The following HCAR1 variants were observed in gnomAD, a reference collection of about 807,000 sequenced individuals.
The protein encoded by HCAR1 is G protein-coupled receptor 104.
For synonymous variants in HCAR1, 183 were observed against 182.1 expected (o/e 1.01, Z -0.04); for missense variants, 445 against 448.7 (o/e 0.99, Z 0.07).
In HCAR1 at chr12:122,727,125, A is replaced by T. The variant is rs1329535969; in HGVS notation, c.*2174T>A. Reference sequence around the variant, plus strand: ...GACCTCGTCTCTATAAAAAAAATTTAAAAATTAGCTGAGTGTGGTGGCTTA... The same window carrying T: ...GACCTCGTCTCTATAAAAAAAATTTTAAAATTAGCTGAGTGTGGTGGCTTA... On this transcript the variant is annotated 3_prime_UTR_variant, in exon 1 of 1. Transcript: ENST00000432564. 1 of 151,942 alleles carries T rather than the reference A, an allele frequency of 6.6e-6. No individual in the cohort carries two copies. The highest frequency in any genetic ancestry group is 1.5e-5 in the Non-Finnish European group (1 of 68,018). The allele number at this position is 151,942 out of a possible 1,614,324, so 9.4% of individuals were successfully genotyped here.
chr12:122,730,153 G>C lies in HCAR1; in HGVS notation c.187C>G (p.Leu63Val), dbSNP rs138446551. ...CGAAAAGGCAGGCAGATCATAAGGA[G>C]GAAATCAGCCACGGCCAAATTGAAA... Reference protein sequence around the residue: ...YLFNLAVADFLLMICLPFRTD... With the variant: ...YLFNLAVADFVLMICLPFRTD... Residue 63 changes from leucine to valine, a missense_variant, in exon 1 of 1, where the codon CTC becomes GTC. Physicochemically the swap from Leu to Val is conservative, Grantham distance 32 (BLOSUM62 1). Transcript: ENST00000432564. The C allele has an allele frequency of 6.2e-7, 1 of 1,614,138 alleles. No homozygotes were observed. The highest frequency in any genetic ancestry group is 1.1e-5 in the South Asian group (1 of 91,078).
Position 122,729,882 on chromosome 12 carries a change from T to C in HCAR1, c.458A>G (p.Glu153Gly). The C allele has an allele frequency of 1.2e-6, 2 of 1,611,436 alleles. No individual in the cohort carries two copies. The highest frequency in any genetic ancestry group is 2.2e-5 in the South Asian group (2 of 91,060). Residue 153 changes from glutamate to glycine, a missense_variant, in exon 1 of 1, where the codon GAG becomes GGG. Coordinates refer to ENST00000432564, the MANE Select transcript of HCAR1 (RefSeq NM_032554.4). ...VILGTVYLLL[E>G]NHLCVQETAV... ...CGTCTCTTGCACGCAGAGATGGTTCTCCAGCAAAAGATACACTGTTCCCAG... is the reference window on the plus strand; with the variant it reads ...CGTCTCTTGCACGCAGAGATGGTTCCCCAGCAAAAGATACACTGTTCCCAG...
rs201961889 is a variant in HCAR1, at chr12:122,729,699, C to T, written c.641G>A (p.Arg214Gln). Reference sequence around the variant, plus strand: ...GATGAACCGGGTCGCCTTCTTCATCCGAGCCTGTCTGGCCAGCTGCTGCCT... The same window carrying T: ...GATGAACCGGGTCGCCTTCTTCATCTGAGCCTGTCTGGCCAGCTGCTGCCT... ...RRRQQLARQA[R>Q]MKKATRFIMV... Residue 214 changes from arginine to glutamine, a missense_variant, in exon 1 of 1, where the codon CGG (arginine) becomes CAG (glutamine). Coordinates refer to ENST00000432564, the MANE Select transcript of HCAR1 (RefSeq NM_032554.4). 7.4e-6 allele frequency: 12 copies of T among 1,613,732 alleles called. No homozygotes were observed. The African/African-American group carries it at 8.0e-5, about 11-fold the overall frequency.
rs201833027 is a variant in HCAR1 at position 122,730,283 on chromosome 12, C to T, written c.57G>A (p.Pro19=). 3 of 1,605,388 alleles carry T rather than the reference C, an allele frequency of 1.9e-6. No homozygotes were observed. The highest frequency in any genetic ancestry group is 2.6e-6 in the Non-Finnish European group (3 of 1,174,420). Residue 19 remains proline (P), a synonymous_variant, in exon 1 of 1, where the codon CCG becomes CCA. Coordinates refer to ENST00000432564, the MANE Select transcript of HCAR1 (RefSeq NM_032554.4). The part of the protein sequence containing the change: ...IEGDTISQVM[P]PLLIVAFVLG... ...GCACAAAGGCCACAATGAGCAGCGG[C>T]GGCATCACCTGGGAGATGGTGTCCC...
Position 122,729,894 on chromosome 12 carries a change from T to A in HCAR1, c.446A>T (p.Tyr149Phe), listed in dbSNP as rs1230385064. The A allele has an allele frequency of 1.9e-6, 3 of 1,611,838 alleles. No homozygotes were observed. The African/African-American group carries it at 4.0e-5, about 22-fold the overall frequency. Reference sequence around the variant, plus strand: ...GCAGAGATGGTTCTCCAGCAAAAGATACACTGTTCCCAGGATGACCAGGGC... The same window carrying A: ...GCAGAGATGGTTCTCCAGCAAAAGAAACACTGTTCCCAGGATGACCAGGGC... ...LWALVILGTV[Y>F]LLLENHLCVQ... The change falls in exon 1 of 1, where the codon TAT becomes TTT. Residue 149 changes from tyrosine to phenylalanine, a missense_variant. Tyr to Phe is a conservative substitution (Grantham distance 22, BLOSUM62 3). Coordinates refer to ENST00000432564, the MANE Select transcript of HCAR1 (RefSeq NM_032554.4).
At position 122,727,890 on chromosome 12, in the gene HCAR1, G is replaced by A. The variant is rs1245907931; in HGVS notation, c.*1409C>T. 1.3e-5 allele frequency: 2 copies of A among 152,220 alleles called. No individual in the cohort carries two copies. Among genetic ancestry groups the A allele is most frequent in the African/African-American group, 2.4e-5 (1 of 41,436 alleles). The allele number at this position is 152,220 out of a possible 1,614,324, so 9.4% of individuals were successfully genotyped here. On this transcript the variant is annotated 3_prime_UTR_variant, in exon 1 of 1. Transcript: ENST00000432564. ...AAAGGAGCTAGAGTTGGCCTGGAAT[G>A]TTTCCCCCTAATTCAGGGCAGGGGC...
chr12:122,729,412 G>A lies in HCAR1; in HGVS notation c.928C>T (p.Pro310Ser). Residue 310 changes from proline to serine, a missense_variant, in exon 1 of 1, where the codon CCG becomes TCG. By Grantham distance (74) the Pro-to-Ser change is moderately conservative. Coordinates refer to ENST00000432564, the MANE Select transcript of HCAR1 (RefSeq NM_032554.4). Reference sequence around the variant, plus strand: ...AGGTTCGAAATTGGCATCTCTTCCGGCCTTTGTGTTTTTGAGTGTCCTGGC... The same window carrying A: ...AGGTTCGAAATTGGCATCTCTTCCGACCTTTGTGTTTTTGAGTGTCCTGGC... ...KQPGHSKTQR[P>S]EEMPISNLGR... 1.9e-6 allele frequency: 3 copies of A among 1,614,086 alleles called. No homozygotes were observed. The highest frequency in any genetic ancestry group is 2.5e-6 in the Non-Finnish European group (3 of 1,180,042).
At position 122,729,975 on chromosome 12, in the gene HCAR1, TG is replaced by T; in HGVS notation, c.364del (p.His122ThrfsTer3). 1 of 1,613,936 alleles carries T rather than the reference TG, an allele frequency of 6.2e-7. No homozygotes were observed. The highest frequency in any genetic ancestry group is 8.5e-7 in the Non-Finnish European group (1 of 1,179,998). On this transcript the variant is annotated frameshift_variant, in exon 1 of 1. Coordinates refer to ENST00000432564, the MANE Select transcript of HCAR1 (RefSeq NM_032554.4). LOFTEE classifies it low-confidence loss of function (END_TRUNC). Reference sequence around the variant, plus strand: ...CCGGGTGGAGATAGTGTTCACCGCGTGGTGGGGGTGGACCACTTTGAAATAC... The same window carrying T: ...CCGGGTGGAGATAGTGTTCACCGCGTGTGGGGGTGGACCACTTTGAAATAC... Reference protein sequence around the residue: ...DRYFKVVHPHHAVNTISTRVA... With the variant: ...DRYFKVVHPHXAVNTISTRVA...
At position 122,728,165 on chromosome 12, in the gene HCAR1, C is replaced by T. The variant is rs1877839965; in HGVS notation, c.*1134G>A. 1 of 152,060 alleles carries T rather than the reference C, an allele frequency of 6.6e-6. No homozygotes were observed. Among genetic ancestry groups the T allele is most frequent in the African/African-American group, 2.4e-5 (1 of 41,388 alleles). The allele number at this position is 152,060 out of a possible 1,614,324, so 9.4% of individuals were successfully genotyped here. A position where few individuals can be genotyped will look rare whatever the true frequency, so the allele number is the denominator to read the frequency against. On this transcript the variant is annotated 3_prime_UTR_variant, in exon 1 of 1. Transcript: ENST00000432564. The stretch of plus-strand genomic sequence containing the variant: ...AAATTACACAGTATACTGCCTGCCA[C>T]CAAATACGAATTCAGTAAATACTTG...
In HCAR1 at chr12:122,729,668, C is replaced by G. The variant is rs760101875; in HGVS notation, c.672G>C (p.Val224=). ...RMKKATRFIM[V]VAIVFITCYL... ...AGCATGTGATGAACACAATTGCCACCACCATGATGAACCGGGTCGCCTTCT... is the reference window on the plus strand; with the variant it reads ...AGCATGTGATGAACACAATTGCCACGACCATGATGAACCGGGTCGCCTTCT... The change falls in exon 1 of 1, where the codon GTG becomes GTC. Residue 224 remains valine (V), a synonymous_variant. Coordinates refer to ENST00000432564, the MANE Select transcript of HCAR1 (RefSeq NM_032554.4). 6.2e-7 allele frequency: 1 copy of G among 1,614,122 alleles called. No individual in the cohort carries two copies. The highest frequency in any genetic ancestry group is 8.5e-7 in the Non-Finnish European group (1 of 1,180,038).
rs1021670263 is a variant in HCAR1 at position 122,728,199 on chromosome 12, G to A, written c.*1100C>T. On this transcript the variant is annotated 3_prime_UTR_variant, in exon 1 of 1. Transcript: ENST00000432564. ...AATTCAGTAAATACTTGGAAAATAA[G>A]TGAATAATTTCAATTCACAGTCACA... 1.3e-5 allele frequency: 2 copies of A among 152,058 alleles called. No individual in the cohort carries two copies. Among genetic ancestry groups the A allele is most frequent in the Non-Finnish European group, 2.9e-5 (2 of 68,034 alleles). 9.4% of individuals were successfully genotyped at this position (152,058 alleles called of 1,614,324 possible).
At position 122,727,848 on chromosome 12, in the gene HCAR1, C is replaced by G. The variant is rs2135497326; in HGVS notation, c.*1451G>C. ...ATTAAGGAGTTGAGAACCATGTTCACCACTTTGTAGCTTGAGAAAGGAGCT... is the reference window on the plus strand; with the variant it reads ...ATTAAGGAGTTGAGAACCATGTTCAGCACTTTGTAGCTTGAGAAAGGAGCT... On this transcript the variant is annotated 3_prime_UTR_variant, in exon 1 of 1. Transcript: ENST00000432564. 6.6e-6 allele frequency: 1 copy of G among 152,292 alleles called. No homozygotes were observed. The allele number at this position is 152,292 out of a possible 1,614,324, so 9.4% of individuals were successfully genotyped here. A position where few individuals can be genotyped will look rare whatever the true frequency, so the allele number is the denominator to read the frequency against.
In HCAR1 at chr12:122,730,325, C is replaced by T. The variant is rs369471838; in HGVS notation, c.15G>A (p.Ser5=). The change falls in exon 1 of 1, where the codon TCG becomes TCA. Residue 5 remains serine (S), a synonymous_variant. Coordinates refer to ENST00000432564, the MANE Select transcript of HCAR1 (RefSeq NM_032554.4). ...TGGTGTCCCCCTCGATGCGGCAGCACGACCCGTTGTACATGGCGGGGACAG... is the reference window on the plus strand; with the variant it reads ...TGGTGTCCCCCTCGATGCGGCAGCATGACCCGTTGTACATGGCGGGGACAG... MYNG[S]CCRIEGDTIS... 2 of 1,580,812 alleles carry T rather than the reference C, an allele frequency of 1.3e-6. No homozygotes were observed. The highest frequency in any genetic ancestry group is 2.3e-5 in the South Asian group (2 of 86,694).
rs373191385 is a variant in HCAR1 at position 122,730,229 on chromosome 12, C to T, written c.111G>A (p.Leu37=). Residue 37 remains leucine (L), a synonymous_variant, in exon 1 of 1, where the codon CTG becomes CTA. Transcript: ENST00000432564. ...TCTTCATGTGGAAGCAGAAACCACA[C>T]AGGGCGACCCCATTGCCTAGTGCGC... is the stretch of plus-strand genomic sequence containing the variant. ...VLGALGNGVA[L]CGFCFHMKTW... 1.2e-4 allele frequency: 199 copies of T among 1,614,052 alleles called. No individual in the cohort carries two copies. Among genetic ancestry groups the T allele is most frequent in the Non-Finnish European group, 1.6e-4 (190 of 1,180,034 alleles).
At position 122,726,928 on chromosome 12, in the gene HCAR1, A is replaced by C. The variant is rs28450359; in HGVS notation, c.*2371T>G. ...ACTCTGTCTCAAAAAAAAAAAAAAAAATATATATATATATAGATAGATAGA... is the reference window on the plus strand; with the variant it reads ...ACTCTGTCTCAAAAAAAAAAAAAAACATATATATATATATAGATAGATAGA... On this transcript the variant is annotated 3_prime_UTR_variant, in exon 1 of 1. Coordinates refer to ENST00000432564, the MANE Select transcript of HCAR1 (RefSeq NM_032554.4). 2 of 110,096 alleles carry C rather than the reference A, an allele frequency of 1.8e-5. No homozygotes were observed. Among genetic ancestry groups the C allele is most frequent in the Non-Finnish European group, 3.6e-5 (2 of 56,044 alleles). 6.8% of individuals were successfully genotyped at this position (110,096 alleles called of 1,614,324 possible). A position where few individuals can be genotyped will look rare whatever the true frequency, so the allele number is the denominator to read the frequency against.
Position 122,730,018 on chromosome 12 carries a change from CCG to C in HCAR1, c.320_321del (p.Thr107SerfsTer59), listed in dbSNP as rs769776841. 38 of 1,614,002 alleles carry C rather than the reference CCG, an allele frequency of 2.4e-5. No individual in the cohort carries two copies. The highest frequency in any genetic ancestry group is 3.0e-5 in the Non-Finnish European group (35 of 1,180,032). On this transcript the variant is annotated frameshift_variant, in exon 1 of 1. Transcript: ENST00000432564. LOFTEE classifies it low-confidence loss of function (END_TRUNC). ...MNRAGSIVFL[T>X]VVAADRYFKV... ...TTGAAATACCTGTCCGCAGCCACCA[CCG>C]TAAGGAACACGATGCTCCCGGCCCT...
In HCAR1 at chr12:122,726,934, T is replaced by TAG. The variant is rs1424812969; in HGVS notation, c.*2364_*2365insCT. 26 of 128,564 alleles carry TAG rather than the reference T, an allele frequency of 2.0e-4. No homozygotes were observed. The highest frequency in any genetic ancestry group is 3.1e-4 in the Admixed American group (4 of 12,944). The allele number at this position is 128,564 out of a possible 1,614,324, so 8.0% of individuals were successfully genotyped here. A position where few individuals can be genotyped will look rare whatever the true frequency, so the allele number is the denominator to read the frequency against. On this transcript the variant is annotated 3_prime_UTR_variant, in exon 1 of 1. Transcript: ENST00000432564. ...TCTCAAAAAAAAAAAAAAAAATATA[T>TAG]ATATATATAGATAGATAGATATCTA...
chr12:122,729,432 C>T lies in HCAR1; in HGVS notation c.908G>A (p.Gly303Glu). ...KICSLKPKQP[G>E]HSKTQRPEEM... ...TTCCGGCCTTTGTGTTTTTGAGTGT[C>T]CTGGCTGCTTGGGTTTCAGACTGCA... Residue 303 changes from glycine to glutamate, a missense_variant, in exon 1 of 1, where the codon GGA becomes GAA. Physicochemically the swap from Gly to Glu is moderately conservative, Grantham distance 98. Transcript: ENST00000432564. 6.2e-7 allele frequency: 1 copy of T among 1,614,054 alleles called. No individual in the cohort carries two copies. Among genetic ancestry groups the T allele is most frequent in the South Asian group, 1.1e-5 (1 of 91,070 alleles).
rs146228231 is a variant in HCAR1 at position 122,728,829 on chromosome 12, T to C, written c.*470A>G. 0.015 allele frequency: 2,419 copies of C among 160,858 alleles called. 34 individuals carry two copies. The highest frequency in any genetic ancestry group is 0.046 in the Middle Eastern group (14 of 304). The allele number at this position is 160,858 out of a possible 1,614,324, so 10.0% of individuals were successfully genotyped here. A position where few individuals can be genotyped will look rare whatever the true frequency, so the allele number is the denominator to read the frequency against. On this transcript the variant is annotated 3_prime_UTR_variant, in exon 1 of 1. Coordinates refer to ENST00000432564, the MANE Select transcript of HCAR1 (RefSeq NM_032554.4). ...TAAAAATACAAAAATTAGCCGGGTG[T>C]GTTGGCTGGCGCCTCTAATCCCAGC...
Sources: allele counts gnomAD v4.1 joint callset, GRCh38; gene constraint gnomAD v4.1.1; transcripts MANE v1.5; gene names NCBI Gene and HGNC (gene_info 2026-07-23, HGNC 2026-07-21).